PRR16: variants seen among roughly 807,000 people sequenced by gnomAD.
The protein encoded by PRR16 is proline rich 16.
PRR16 carries 6 observed loss-of-function variants against 18.2 expected under a neutral mutation model. The ratio of observed to expected loss-of-function variants is 0.33; its 90% CI spans 0.18 to 0.65. The LOEUF is 0.65. Among genes scored for constraint, PRR16 ranks in the 30% least tolerant of loss-of-function variants. The pLI is 0.74. For synonymous variants in PRR16, 151 were observed against 147.8 expected (o/e 1.02, Z -0.16); for missense variants, 412 against 376.6 (o/e 1.09, Z -0.78).
At chr5:120,778,590 A>T in the PRR16 span, among the ~76,000 whole-genome samples, 2 of 152,302 alleles carry the variant, frequency 1.3e-5, no homozygotes, top group East Asian at 3.9e-4. Context: ...GGACCTTAAT[A>T]ACAGAGGAAA....
At chr5:120,762,049 TCA>T in the PRR16 span, among the ~76,000 whole-genome samples, 3 of 152,154 alleles carry the variant, frequency 2.0e-5, no homozygotes, top group Non-Finnish European at 2.9e-5. Flanking sequence ...TGACAGAATT[TCA>T]GTCTTTTTTA....
the PRR16 span, among the ~76,000 whole-genome samples, chr5:120,783,494 G>T: frequency 6.6e-6 from 1 of 151,878 alleles, no homozygotes; most frequent in Non-Finnish European, 1.5e-5. Flanking sequence ...CATTTTCTCT[G>T]TCTACCTAGG....
intron 1 of PRR16, among the ~76,000 whole-genome samples, chr5:120,508,902 A>T (rs769466157): frequency 6.6e-6 from 1 of 152,152 alleles, no homozygotes; most frequent in African/African-American, 2.4e-5. Flanking sequence ...ATTGTCTGAA[A>T]ATAAATATTT....
chr5:120,755,217 A>G, the PRR16 span, among the ~76,000 whole-genome samples: 1 of 151,992 alleles, frequency 6.6e-6, no homozygotes, highest in Admixed American at 6.6e-5. Context: ...AAAAATCTAA[A>G]AAAAATAAAA....
intron 1 of PRR16, among the ~76,000 whole-genome samples, chr5:120,516,127 C>T (rs193160996): frequency 3.9e-4 from 59 of 152,124 alleles, no homozygotes; most frequent in Non-Finnish European, 7.8e-4. Context: ...CCAAACCAAA[C>T]CAAACCAAAA....
chr5:120,642,984 T>G (rs555566839), intron 1 of PRR16, among the ~76,000 whole-genome samples: 1 of 152,254 alleles, frequency 6.6e-6, no homozygotes, highest in South Asian at 2.1e-4. Flanking sequence ...AGTTAGTCAT[T>G]AATCAATATT....
At chr5:120,524,839 T>TA (rs1435539871) in intron 1 of PRR16, among the ~76,000 whole-genome samples, 1 of 152,022 alleles carries the variant, frequency 6.6e-6, no homozygotes, top group South Asian at 2.1e-4. Context: ...TTTTTAAAAT[T>TA]AAAAAAGCAA....
chr5:120,729,950 C>T, the PRR16 span, among the ~76,000 whole-genome samples: 2 of 152,124 alleles, frequency 1.3e-5, no homozygotes, highest in African/African-American at 2.4e-5. Context: ...AGTCTCCTCA[C>T]AGTACCTCAA....
chr5:120,524,016 C>A (rs1751272332), intron 1 of PRR16, among the ~76,000 whole-genome samples: 1 of 151,942 alleles, frequency 6.6e-6, no homozygotes, highest in African/African-American at 2.4e-5. Context: ...TTTCCAGGAG[C>A]CAAACTAGAA....
At chr5:120,733,314 T>A in the PRR16 span, among the ~76,000 whole-genome samples, 1 of 151,930 alleles carries the variant, frequency 6.6e-6, no homozygotes, top group African/African-American at 2.4e-5. Context: ...TCATGCCCAT[T>A]AAGTTTAAAA....
At chr5:120,716,365 A>G in the PRR16 span, among the ~76,000 whole-genome samples, 1 of 152,180 alleles carries the variant, frequency 6.6e-6, no homozygotes, top group African/African-American at 2.4e-5. Flanking sequence ...CCAAGGAAAC[A>G]TACATATATT....
At chr5:120,529,854 G>A (rs1272139229) in intron 1 of PRR16, among the ~76,000 whole-genome samples, 1 of 151,946 alleles carries the variant, frequency 6.6e-6, no homozygotes, top group Non-Finnish European at 1.5e-5. Flanking sequence ...TCAAGAGCAT[G>A]TAAGTAAAGT....
chr5:120,490,360 C>G (rs1400603805), intron 1 of PRR16, among the ~76,000 whole-genome samples: 1 of 152,060 alleles, frequency 6.6e-6, no homozygotes, highest in African/African-American at 2.4e-5. Flanking sequence ...TCTTTTTATT[C>G]TTTTTTCTCT....
intron 1 of PRR16, among the ~76,000 whole-genome samples, chr5:120,613,795 T>C (rs992214033): frequency 6.6e-6 from 1 of 152,212 alleles, no homozygotes; most frequent in African/African-American, 2.4e-5. Context: ...CAGGCATATA[T>C]GGCTCCTTTA....
the PRR16 span, among the ~76,000 whole-genome samples, chr5:120,779,128 A>T: frequency 6.6e-6 from 1 of 152,124 alleles, no homozygotes; most frequent in African/African-American, 2.4e-5. Context: ...GCAGGGTTTA[A>T]TGCAGTTACA....
intron 1 of PRR16, among the ~76,000 whole-genome samples, chr5:120,504,030 T>A (rs923869707): frequency 2.0e-5 from 3 of 151,728 alleles, no homozygotes; most frequent in Non-Finnish European, 4.4e-5. Context: ...TTCTTTTCTT[T>A]TCTTTTATTA....
intron 1 of PRR16, among the ~76,000 whole-genome samples, chr5:120,635,548 G>C (rs1372116126): frequency 6.6e-6 from 1 of 152,084 alleles, no homozygotes. Context: ...TGTATTAAAA[G>C]CATGTGACAA....
intron 1 of PRR16, among the ~76,000 whole-genome samples, chr5:120,623,193 A>C (rs1012799891): frequency 1.3e-5 from 2 of 152,190 alleles, no homozygotes; most frequent in African/African-American, 4.8e-5. Flanking sequence ...TCAGTGAGGA[A>C]AGAAAAAAAC....
the PRR16 span, among the ~76,000 whole-genome samples, chr5:120,789,181 T>G: frequency 6.6e-6 from 1 of 152,108 alleles, no homozygotes. Context: ...ATCATTATAC[T>G]AGGTTTATAG....
Sources: gnomAD v4.1 joint callset for allele counts (sites outside exome capture counted in the v4.1 genomes callset) on GRCh38, gnomAD v4.1.1 for gene constraint, MANE v1.5 for transcripts, NCBI Gene and HGNC (gene_info 2026-07-23, HGNC 2026-07-21) for gene names.